The following KAZN variants were observed in gnomAD, a reference collection of about 807,000 sequenced individuals.
KAZN encodes kazrin, periplakin interacting protein.
In KAZN, 40 loss-of-function variants were observed where a neutral mutation model predicts 87.4. The observed-to-expected ratio is 0.46, with a 90% CI of 0.36 to 0.60. KAZN has a LOEUF of 0.60. Ranked by LOEUF, KAZN falls within the 20% of genes least tolerant of loss-of-function variation. KAZN has a pLI of 0.00. For synonymous variants in KAZN, 466 were observed against 458.3 expected (o/e 1.02, Z -0.22); for missense variants, 898 against 1,073.9 (o/e 0.84, Z 2.29).
intron 8 of KAZN, among the ~76,000 whole-genome samples, chr1:15,068,926 T>C (rs1474271307): frequency 6.6e-6 from 1 of 151,546 alleles, no homozygotes; most frequent in East Asian, 1.9e-4. Context: ...CCAGTGAGGA[T>C]GCAAATGGAT....
At chr1:14,422,050 T>C (rs1295601285) in intron 2 of KAZN, among the ~76,000 whole-genome samples, 1 of 152,234 alleles carries the variant, frequency 6.6e-6, no homozygotes. Context: ...CTGTCTTGGA[T>C]ATTCCTGATG....
chr1:14,154,515 G>A (rs1051329286), intron 1 of KAZN, among the ~76,000 whole-genome samples: 1 of 152,044 alleles, frequency 6.6e-6, no homozygotes, highest in Non-Finnish European at 1.5e-5. Flanking sequence ...GCTCTAACTA[G>A]AATTTCCAGT....
intron 1 of KAZN, among the ~76,000 whole-genome samples, chr1:14,757,469 C>T (rs1050104546): frequency 2.0e-5 from 3 of 152,134 alleles, no homozygotes; most frequent in East Asian, 3.9e-4. Context: ...TGACCTTGGG[C>T]GATTTAGTCA....
At chr1:14,995,651 T>C (rs1667792449) in intron 2 of KAZN, among the ~76,000 whole-genome samples, 1 of 150,066 alleles carries the variant, frequency 6.7e-6, no homozygotes, top group East Asian at 2.0e-4. Context: ...AATAGACTGG[T>C]AACAGCTTGT....
intron 2 of KAZN, among the ~76,000 whole-genome samples, chr1:14,330,729 G>GA (rs964750328): frequency 1.2e-3 from 182 of 149,820 alleles, no homozygotes; most frequent in Middle Eastern, 3.4e-3. Flanking sequence ...CAAGCAACTG[G>GA]AAAAAAAAAA....
intron 1 of KAZN, among the ~76,000 whole-genome samples, chr1:14,071,751 G>A (rs996812415): frequency 1.1e-4 from 17 of 152,212 alleles, no homozygotes; most frequent in Non-Finnish European, 2.2e-4. Flanking sequence ...ATGTCAGGCA[G>A]CCTTTGTGGA....
chr1:14,331,061 A>G (rs1398923582), intron 2 of KAZN, among the ~76,000 whole-genome samples: 1 of 152,182 alleles, frequency 6.6e-6, no homozygotes, highest in Non-Finnish European at 1.5e-5. Context: ...CCTTGCAGCT[A>G]AGATTTGCCC....
intron 1 of KAZN, among the ~76,000 whole-genome samples, chr1:13,938,757 T>C (rs548174503): frequency 1.3e-5 from 2 of 152,360 alleles, no homozygotes; most frequent in East Asian, 1.9e-4. Context: ...GGATTTTCCA[T>C]ACATCCTTTG....
At chr1:14,621,869 T>C (rs1678722849) in intron 1 of KAZN, among the ~76,000 whole-genome samples, 1 of 152,204 alleles carries the variant, frequency 6.6e-6, no homozygotes, top group Admixed American at 6.5e-5. Context: ...CTTTAAAAAT[T>C]ACTCAGTCTC....
At chr1:14,348,073 T>G in intron 2 of KAZN, among the ~76,000 whole-genome samples, 1 of 134,390 alleles carries the variant, frequency 7.4e-6, no homozygotes. Context: ...TTTTTTGAGA[T>G]GAAATCTCAC....
At chr1:13,921,848 A>G (rs1316930669) in intron 1 of KAZN, among the ~76,000 whole-genome samples, 1 of 151,788 alleles carries the variant, frequency 6.6e-6, no homozygotes, top group Admixed American at 6.6e-5. Flanking sequence ...AGCCAGGATG[A>G]TCTCGATCTC....
chr1:14,885,539 G>A (rs554354109), intron 1 of KAZN, among the ~76,000 whole-genome samples: 10 of 152,088 alleles, frequency 6.6e-5, no homozygotes, highest in Admixed American at 3.9e-4. Flanking sequence ...GTAGAAATGG[G>A]GTCTCACTAT....
intron 1 of KAZN, among the ~76,000 whole-genome samples, chr1:14,898,919 C>T (rs1208829540): frequency 6.6e-6 from 1 of 152,216 alleles, no homozygotes; most frequent in African/African-American, 2.4e-5. Context: ...ATTACCTCTT[C>T]CAGATTGCCC....
At position 15,034,867 on chromosome 1, in the gene KAZN, C is replaced by G. The variant is rs1006271661; in HGVS notation, c.537C>G (p.Asn179Lys). 2 of 1,613,950 alleles carry G rather than the reference C, an allele frequency of 1.2e-6. No homozygotes were observed. The highest frequency in any genetic ancestry group is 4.5e-5 in the East Asian group (2 of 44,880). Residue 179 changes from asparagine to lysine, a missense_variant, in exon 3 of 15, where the codon AAC becomes AAG. Coordinates refer to ENST00000376030, the MANE Select transcript of KAZN (RefSeq NM_201628.3). ...AGCAGCTCCGAGACTTCATCCGCAA[C>G]TATGAGCAGCACCGCAAGGTCAGCC... The part of the protein sequence containing the change: ...REEQLRDFIR[N>K]YEQHRKESED...
chr1:14,241,335 G>GC, intron 2 of KAZN, among the ~76,000 whole-genome samples: 1 of 152,280 alleles, frequency 6.6e-6, no homozygotes. Context: ...TTAGGTGGCT[G>GC]CCCCATTCAT....
intron 2 of KAZN, among the ~76,000 whole-genome samples, chr1:14,294,428 G>A (rs1012039102): frequency 2.0e-5 from 3 of 151,974 alleles, no homozygotes; most frequent in African/African-American, 7.2e-5. Flanking sequence ...CATGCCATAT[G>A]CCAGGCATAG....
intron 1 of KAZN, among the ~76,000 whole-genome samples, chr1:14,164,785 T>A (rs1254192477): frequency 6.6e-6 from 1 of 152,016 alleles, no homozygotes; most frequent in Non-Finnish European, 1.5e-5. Context: ...GTGATCCGCC[T>A]GCCTCGGCCT....
intron 2 of KAZN, among the ~76,000 whole-genome samples, chr1:14,274,214 C>T (rs2100692080): frequency 6.6e-6 from 1 of 152,298 alleles, no homozygotes; most frequent in Non-Finnish European, 1.5e-5. Flanking sequence ...GTTTGCACAT[C>T]TCTCATTATT....
chr1:14,373,435 G>C (rs1388129832), intron 2 of KAZN, among the ~76,000 whole-genome samples: 2 of 152,160 alleles, frequency 1.3e-5, no homozygotes, highest in Admixed American at 6.5e-5. Context: ...CAGGCAGAGA[G>C]ACAGAATTCA....
Sources: gnomAD v4.1 joint callset for allele counts (sites outside exome capture counted in the v4.1 genomes callset) on GRCh38, gnomAD v4.1.1 for gene constraint, MANE v1.5 for transcripts, NCBI Gene and HGNC (gene_info 2026-07-23, HGNC 2026-07-21) for gene names.